The following CDH18 variants were observed in gnomAD, a reference collection of about 807,000 sequenced individuals.
CDH18 encodes cadherin-18.
Under a neutral mutation model 67.9 loss-of-function variants are expected in CDH18, and 31 were observed. The ratio of observed to expected loss-of-function variants is 0.46; its 90% CI spans 0.34 to 0.62. The LOEUF is 0.62. Among genes scored for constraint, CDH18 ranks in the 20% least tolerant of loss-of-function variants. CDH18 has a pLI of 0.01. For missense variants in CDH18, 890 were observed against 975.5 expected (o/e 0.91, Z 1.17); for synonymous variants, 362 against 347.2 (o/e 1.04, Z -0.48).
Position 19,489,461 on chromosome 5 carries a change from C to A in CDH18, c.1631-5909G>T, listed in dbSNP as rs144659708. On this transcript the variant is annotated intron_variant, in intron 11 of 12. Coordinates refer to ENST00000382275, the MANE Select transcript of CDH18 (RefSeq NM_004934.5). ...ACAGGGTTTCACCATGTTGGCCAGG[C>A]TGGTCTCAAACTCCTGACCTTGTGA... Among the ~76,000 whole-genome samples, 644 of 152,006 alleles carry A rather than the reference C, an allele frequency of 4.2e-3. 6 individuals are homozygous for A. The highest frequency in any genetic ancestry group is 0.031 in the East Asian group (160 of 5,128).
At chr5:19,908,668 T>A (rs995586126) in intron 2 of CDH18, among the ~76,000 whole-genome samples, 3 of 152,204 alleles carry the variant, frequency 2.0e-5, no homozygotes, top group Non-Finnish European at 4.4e-5. Context: ...ATACAAAATA[T>A]GTTGAAAACA....
chr5:19,532,105 A>G (rs1186516358), intron 9 of CDH18, among the ~76,000 whole-genome samples: 1 of 152,188 alleles, frequency 6.6e-6, no homozygotes, highest in Non-Finnish European at 1.5e-5. Flanking sequence ...CTTGTTAACA[A>G]GAGTGATGTA....
chr5:19,669,522 C>T (rs918816656), intron 5 of CDH18, among the ~76,000 whole-genome samples: 3 of 151,890 alleles, frequency 2.0e-5, no homozygotes, highest in Non-Finnish European at 2.9e-5. Context: ...AACTCCTGAC[C>T]TCAGGTGATC....
intron 8 of CDH18, among the ~76,000 whole-genome samples, chr5:19,552,215 T>A (rs545669046): frequency 6.6e-6 from 1 of 152,176 alleles, no homozygotes; most frequent in Non-Finnish European, 1.5e-5. Context: ...ATTCGGGAAA[T>A]AATTGTTTTC....
In CDH18 at chr5:20,056,478, G is replaced by GTTT. The variant is rs58415003; in HGVS notation, c.-517-64467_-517-64465dup. On this transcript the variant is annotated intron_variant, in intron 2 of 14. Transcript: ENST00000507958. ...TATTTTTCTTTATTTTCTTTCTTTTGTTTTTTTTTTTTTTTTTTTTTTTTT... is the reference window on the plus strand; with the variant it reads ...TATTTTTCTTTATTTTCTTTCTTTTGTTTTTTTTTTTTTTTTTTTTTTTTTTTT... 6.8e-4 allele frequency among the ~76,000 whole-genome samples: 11 copies of GTTT among 16,292 alleles called. 1 individual carries two copies. The highest frequency in any genetic ancestry group is 1.1e-3 in the African/African-American group (5 of 4,720). 10.7% of individuals were successfully genotyped at this position (16,292 alleles called of 152,430 possible). A position where few individuals can be genotyped will look rare whatever the true frequency, so the allele number is the denominator to read the frequency against.
intron 2 of CDH18, among the ~76,000 whole-genome samples, chr5:19,954,844 A>T (rs1439333679): frequency 7.0e-6 from 1 of 143,602 alleles, no homozygotes; most frequent in East Asian, 2.0e-4. Context: ...GAAAAATAAC[A>T]ATCTCAGGAA....
chr5:20,457,460 G>A (rs1750917165), intron 1 of CDH18, among the ~76,000 whole-genome samples: 2 of 152,028 alleles, frequency 1.3e-5, no homozygotes, highest in Admixed American at 6.6e-5. Flanking sequence ...TTTTACAGAT[G>A]AGCAAATGGA....
intron 9 of CDH18, among the ~76,000 whole-genome samples, chr5:19,533,100 C>G (rs942419812): frequency 1.3e-5 from 2 of 152,150 alleles, no homozygotes; most frequent in Admixed American, 6.5e-5. Context: ...TTGGCAACAA[C>G]TCAAGATACA....
intron 2 of CDH18, among the ~76,000 whole-genome samples, chr5:20,114,005 A>G (rs948525757): frequency 3.3e-5 from 5 of 152,144 alleles, no homozygotes; most frequent in African/African-American, 1.2e-4. Context: ...TGCTGCCTGA[A>G]ATTTCATTGA....
intron 9 of CDH18, among the ~76,000 whole-genome samples, chr5:19,540,993 G>A (rs1054179254): frequency 1.3e-5 from 2 of 152,066 alleles, no homozygotes; most frequent in African/African-American, 4.8e-5. Flanking sequence ...TCATCAACAA[G>A]CTGTAAATTT....
chr5:19,819,584 T>G (rs1779641352), intron 3 of CDH18, among the ~76,000 whole-genome samples: 1 of 152,092 alleles, frequency 6.6e-6, no homozygotes, highest in African/African-American at 2.4e-5. Context: ...GGCAGCACAC[T>G]CGCATTGTAG....
Position 20,442,947 on chromosome 5 carries a change from C to T in CDH18, c.-580+132515G>A, listed in dbSNP as rs750665086. ...TATCTTGGCCGGGCGCGGTGGCTCA[C>T]GCCTGTAATCCCAGCACTTTGGGAG... On this transcript the variant is annotated intron_variant, in intron 1 of 14. Transcript: ENST00000507958. Among the ~76,000 whole-genome samples, 6 of 151,670 alleles carry T rather than the reference C, an allele frequency of 4.0e-5. No homozygotes were observed. The South Asian group carries it at 8.3e-4, about 21-fold the overall frequency.
intron 9 of CDH18, among the ~76,000 whole-genome samples, chr5:19,533,137 C>T (rs553341576): frequency 6.6e-6 from 1 of 152,198 alleles, no homozygotes; most frequent in South Asian, 2.1e-4. Context: ...TGGTGTCTCA[C>T]AATTCAATAC....
chr5:19,723,104 AC>A (rs1329994574), intron 4 of CDH18, among the ~76,000 whole-genome samples: 1 of 151,912 alleles, frequency 6.6e-6, no homozygotes, highest in Non-Finnish European at 1.5e-5. Context: ...CCCTGTCTCT[AC>A]TAAAAATACA....
chr5:19,538,486 T>C (rs1162900049), intron 9 of CDH18, among the ~76,000 whole-genome samples: 1 of 152,198 alleles, frequency 6.6e-6, no homozygotes, highest in African/African-American at 2.4e-5. Flanking sequence ...ACCATACTCA[T>C]AATGTCATCT....
At chr5:19,921,306 C>T (rs529459113) in intron 2 of CDH18, among the ~76,000 whole-genome samples, 31 of 152,102 alleles carry the variant, frequency 2.0e-4, no homozygotes, top group East Asian at 9.7e-4. Flanking sequence ...CCAAGGCGGG[C>T]GGATCACGAG....
chr5:20,461,609 T>A (rs762201892), intron 1 of CDH18, among the ~76,000 whole-genome samples: 2 of 152,064 alleles, frequency 1.3e-5, no homozygotes, highest in Non-Finnish European at 2.9e-5. Flanking sequence ...TCAAACCTCT[T>A]CTTTCTGCTT....
chr5:19,536,552 C>A (rs1222433985), intron 9 of CDH18, among the ~76,000 whole-genome samples: 1 of 152,152 alleles, frequency 6.6e-6, no homozygotes, highest in African/African-American at 2.4e-5. Context: ...GTGTACGTAT[C>A]TCTGTGCATA....
chr5:19,678,204 A>G (rs902296055), intron 5 of CDH18, among the ~76,000 whole-genome samples: 1 of 151,306 alleles, frequency 6.6e-6, no homozygotes, highest in East Asian at 2.0e-4. Context: ...CACATGCTCT[A>G]TATTGATCAC....
Sources: gnomAD v4.1 joint callset for allele counts (sites outside exome capture counted in the v4.1 genomes callset) on GRCh38, gnomAD v4.1.1 for gene constraint, MANE v1.5 for transcripts, NCBI Gene and HGNC (gene_info 2026-07-23, HGNC 2026-07-21) for gene names.